EFCC1: variants seen among roughly 807,000 people sequenced by gnomAD.
EFCC1 encodes EF-hand and coiled-coil domain containing 1, also known as EF-hand and coiled-coil domain-containing protein 1.
A neutral mutation model predicts 52.1 loss-of-function variants in EFCC1; 50 were observed. The ratio of observed to expected loss-of-function variants is 0.96; its 90% CI spans 0.76 to 1.21. EFCC1 has a LOEUF of 1.21. Among genes scored for constraint, EFCC1 ranks in the 50% most tolerant of loss-of-function variants. EFCC1 has a pLI of 0.00. For missense variants in EFCC1, 837 were observed against 867.3 expected (o/e 0.97, Z 0.44); for synonymous variants, 399 against 396.5 (o/e 1.01, Z -0.08).
At chr3:129,005,079 G>A (rs998304761) in intron 2 of EFCC1, among the ~76,000 whole-genome samples, 1 of 152,244 alleles carries the variant, frequency 6.6e-6, no homozygotes, top group African/African-American at 2.4e-5. Context: ...TGGCCGGCCT[G>A]ACTACACATT....
At chr3:129,004,203 G>A in intron 2 of EFCC1, 126 bp downstream of exon 2, 2 of 1,182,892 alleles carry the variant, frequency 1.7e-6, no homozygotes, top group Non-Finnish European at 2.2e-6. Flanking sequence ...GTTTATTCAT[G>A]TATTCTTTCA....
At chr3:129,021,066 C>T (rs1225052689) in intron 2 of EFCC1, among the ~76,000 whole-genome samples, 1 of 152,134 alleles carries the variant, frequency 6.6e-6, no homozygotes, top group Non-Finnish European at 1.5e-5. Context: ...GGGTTTGCCT[C>T]AGTGACTGGA....
rs1286698933 is a variant in EFCC1, at chr3:129,001,866, C to T, written c.238C>T (p.Arg80Ter). The T allele has an allele frequency of 6.5e-7, 1 of 1,546,134 alleles. No individual in the cohort carries two copies. The highest frequency in any genetic ancestry group is 2.5e-5 in the East Asian group (1 of 40,720). Residue 80 changes from arginine (R) to a stop codon, truncating the protein, a stop_gained, in exon 1 of 8, where the codon CGA becomes TGA. Transcript: ENST00000683648. LOFTEE classifies it high-confidence loss of function. ...CGGCCGTCTGCCCCGCGCCGACTTC[C>T]GAGCGCTCTGCGCTGTGCTGGGGCT... ...GAGRLPRADFRALCAVLGLRA... is the reference protein window; with the variant it reads ...GAGRLPRADF
intron 2 of EFCC1, among the ~76,000 whole-genome samples, chr3:129,020,116 G>A (rs773662620): frequency 2.6e-5 from 4 of 152,096 alleles, no homozygotes; most frequent in African/African-American, 4.8e-5. Flanking sequence ...CATATTGGAC[G>A]ATGCAGGCCA....
Position 129,034,306 on chromosome 3 carries a change from AC to A in EFCC1, c.1432del (p.Leu478TrpfsTer20). 6.2e-7 allele frequency: 1 copy of A among 1,613,890 alleles called. No homozygotes were observed. The highest frequency in any genetic ancestry group is 1.1e-5 in the South Asian group (1 of 91,070). On this transcript the variant is annotated frameshift_variant, in exon 5 of 8. Transcript: ENST00000683648. LOFTEE classifies it high-confidence loss of function. The stretch of plus-strand genomic sequence containing the variant: ...GAGGACTCAGGGCTGCGGTGGGAGG[AC>A]CCTGGGGACCTCTGAGGAGGAGGTC... ...QLRTQGCGGR[T>X]LGTSEEEAEL...
intron 1 of EFCC1, among the ~76,000 whole-genome samples, chr3:129,003,487 G>C (rs905107325): frequency 6.6e-6 from 1 of 152,016 alleles, no homozygotes; most frequent in East Asian, 1.9e-4. Context: ...GCCGAGAAGA[G>C]TCGCGAGGTT....
At position 129,004,014 on chromosome 3, in the gene EFCC1, C is replaced by A; in HGVS notation, c.917C>A (p.Ala306Glu). Residue 306 changes from alanine (A) to glutamate (E), a missense_variant, in exon 2 of 8, where the codon GCG becomes GAG. Ala to Glu is a moderately radical substitution (Grantham distance 107). Transcript: ENST00000683648. ...CGCGTGCGAGAGCTGGAGGCGCTGGCGCAACAGGTGCCCGGCTTGCAGCGC... is the reference window on the plus strand; with the variant it reads ...CGCGTGCGAGAGCTGGAGGCGCTGGAGCAACAGGTGCCCGGCTTGCAGCGC... ...LHRVRELEALAQQVPGLQRWV... is the reference protein window; with the variant it reads ...LHRVRELEALEQQVPGLQRWV... The A allele has an allele frequency of 6.6e-7, 1 of 1,507,362 alleles. No individual in the cohort carries two copies. The highest frequency in any genetic ancestry group is 1.2e-5 in the South Asian group (1 of 82,566). 93.4% of individuals were successfully genotyped at this position (1,507,362 alleles called of 1,614,324 possible).
chr3:129,005,213 C>T (rs1945016921), intron 2 of EFCC1, among the ~76,000 whole-genome samples: 1 of 152,252 alleles, frequency 6.6e-6, no homozygotes, highest in African/African-American at 2.4e-5. Context: ...TTCACAGGAA[C>T]AGATGCGTGG....
intron 2 of EFCC1, among the ~76,000 whole-genome samples, chr3:129,006,612 G>A (rs754493147): frequency 3.9e-5 from 6 of 152,268 alleles, no homozygotes; most frequent in South Asian, 2.1e-4. Flanking sequence ...CACTGTGCCC[G>A]GCCAAAAGTG....
rs1264050117 is a variant in EFCC1, at chr3:129,036,974, C to T, written c.1453-3C>T. Reference sequence around the variant, plus strand: ...GTGAGCACTGAGCCCCTTCTCTTCCCAGGCAGAGTTGCAGCAGAAGGTGGA... The same window carrying T: ...GTGAGCACTGAGCCCCTTCTCTTCCTAGGCAGAGTTGCAGCAGAAGGTGGA... On this transcript the variant is annotated splice_polypyrimidine_tract_variant and splice_region_variant and intron_variant, in intron 5 of 7. Coordinates refer to ENST00000683648, the MANE Select transcript of EFCC1 (RefSeq NM_001377500.1). 4 of 1,613,726 alleles carry T rather than the reference C, an allele frequency of 2.5e-6. No homozygotes were observed. The highest frequency in any genetic ancestry group is 3.4e-6 in the Non-Finnish European group (4 of 1,179,994).
At chr3:129,029,830 C>T (rs1946233249) in intron 2 of EFCC1, among the ~76,000 whole-genome samples, 1 of 151,404 alleles carries the variant, frequency 6.6e-6, no homozygotes, top group Non-Finnish European at 1.5e-5. Flanking sequence ...GGTCATCCAC[C>T]CGCCTCTGCC....
At position 129,036,996 on chromosome 3, in the gene EFCC1, T is replaced by C. The variant is rs1576786283; in HGVS notation, c.1472T>C (p.Val491Ala). ...SEEEAELQQK[V>A]EENEHLRLEL... ...TCCCAGGCAGAGTTGCAGCAGAAGG[T>C]GGAAGAGAATGAGCACCTGAGGCTG... Residue 491 changes from valine (V) to alanine (A), a missense_variant, in exon 6 of 8, where the codon GTG becomes GCG. Physicochemically the swap from Val to Ala is moderately conservative, Grantham distance 64. Transcript: ENST00000683648. The C allele has an allele frequency of 6.2e-7, 1 of 1,613,372 alleles. No individual in the cohort carries two copies. The highest frequency in any genetic ancestry group is 1.3e-5 in the African/African-American group (1 of 74,740).
At chr3:129,007,993 C>G (rs564929520) in intron 2 of EFCC1, among the ~76,000 whole-genome samples, 1 of 152,348 alleles carries the variant, frequency 6.6e-6, no homozygotes, top group East Asian at 1.9e-4. Flanking sequence ...TTGGCAGGCA[C>G]TGTCATTTTG....
At chr3:129,031,715 T>C (rs566877000) in intron 3 of EFCC1, among the ~76,000 whole-genome samples, 10 of 152,314 alleles carry the variant, frequency 6.6e-5, no homozygotes, top group Non-Finnish European at 1.3e-4. Flanking sequence ...TGGCCCTGCG[T>C]TGCTCTACAG....
intron 2 of EFCC1, among the ~76,000 whole-genome samples, chr3:129,011,934 G>T (rs1215886090): frequency 1.3e-5 from 2 of 152,186 alleles, no homozygotes; most frequent in South Asian, 2.1e-4. Flanking sequence ...ATGGTAATCT[G>T]CCCAGGCTCA....
At position 129,002,114 on chromosome 3, in the gene EFCC1, C is replaced by T. The variant is rs1202656243; in HGVS notation, c.486C>T (p.Pro162=). 6.1e-6 allele frequency: 9 copies of T among 1,482,676 alleles called. No individual in the cohort carries two copies. In the South Asian group the frequency reaches 6.6e-5, roughly 11 times the overall value. The allele number at this position is 1,482,676 out of a possible 1,614,324, so 91.8% of individuals were successfully genotyped here. A position where few individuals can be genotyped will look rare whatever the true frequency, so the allele number is the denominator to read the frequency against. Reference sequence around the variant, plus strand: ...GCACCCGTGCGGGGCCCCGGCTGCCCCGCGGCGCTCTCAGCGAGCACATCG... The same window carrying T: ...GCACCCGTGCGGGGCCCCGGCTGCCTCGCGGCGCTCTCAGCGAGCACATCG... ...YFGTRAGPRL[P]RGALSEHIET... is the part of the protein sequence containing the mutation. Residue 162 remains proline (P), a synonymous_variant, in exon 1 of 8, where the codon CCC becomes CCT. Transcript: ENST00000683648.
chr3:129,001,937 G>C lies in EFCC1; in HGVS notation c.309G>C (p.Gly103=). The change falls in exon 1 of 8, where the codon GGG becomes GGC. Residue 103 remains glycine (G), a synonymous_variant. Transcript: ENST00000683648. The part of the protein sequence containing the change: ...ATTAGQAAGD[G]NSRDVTPGDA... ...CGGCCGGGCAGGCAGCAGGTGACGG[G>C]AACTCCAGAGATGTGACCCCCGGGG... 2 of 1,541,528 alleles carry C rather than the reference G, an allele frequency of 1.3e-6. No homozygotes were observed. Among genetic ancestry groups the C allele is most frequent in the Non-Finnish European group, 1.8e-6 (2 of 1,142,506 alleles).
rs1292253667 is a variant in EFCC1, at chr3:129,002,046, C to T, written c.418C>T (p.Leu140Phe). The T allele has an allele frequency of 8.4e-6, 13 of 1,543,208 alleles. No individual in the cohort carries two copies. Among genetic ancestry groups the T allele is most frequent in the Non-Finnish European group, 9.6e-6 (11 of 1,144,324 alleles). ...RLALRAEPPE[L>F]TFRQFHARLC... ...GGCGCTGCGCGCCGAGCCGCCGGAG[C>T]TCACCTTCCGCCAGTTCCACGCGCG... Residue 140 changes from leucine to phenylalanine, a missense_variant, in exon 1 of 8, where the codon CTC (leucine) becomes TTC (phenylalanine). Leu to Phe is a conservative substitution (Grantham distance 22, BLOSUM62 0). Transcript: ENST00000683648.
Position 129,004,008 on chromosome 3 carries a change from C to G in EFCC1, c.911C>G (p.Ala304Gly), listed in dbSNP as rs748115635. 6.6e-7 allele frequency: 1 copy of G among 1,506,234 alleles called. No individual in the cohort carries two copies. The allele number at this position is 1,506,234 out of a possible 1,614,324, so 93.3% of individuals were successfully genotyped here. Residue 304 changes from alanine to glycine, a missense_variant, in exon 2 of 8, where the codon GCG becomes GGG. By Grantham distance (60) the Ala-to-Gly change is moderately conservative (BLOSUM62 0). Coordinates refer to ENST00000683648, the MANE Select transcript of EFCC1 (RefSeq NM_001377500.1). ...CTGCACCGCGTGCGAGAGCTGGAGGCGCTGGCGCAACAGGTGCCCGGCTTG... is the reference window on the plus strand; with the variant it reads ...CTGCACCGCGTGCGAGAGCTGGAGGGGCTGGCGCAACAGGTGCCCGGCTTG... ...RSLHRVRELEALAQQVPGLQR... is the reference protein window; with the variant it reads ...RSLHRVRELEGLAQQVPGLQR...
Sources: allele counts gnomAD v4.1 joint callset (sites outside exome capture counted in the v4.1 genomes callset), GRCh38; gene constraint gnomAD v4.1.1; transcripts MANE v1.5; gene names NCBI Gene and HGNC (gene_info 2026-07-23, HGNC 2026-07-21).